FMO1: variants seen among roughly 807,000 people sequenced by gnomAD.
The protein encoded by FMO1 is flavin containing dimethylaniline monoxygenase 1, also known as flavin-containing monooxygenase 1.
Under a neutral mutation model 45.4 loss-of-function variants are expected in FMO1, and 36 were observed. The observed-to-expected ratio is 0.79, with a 90% CI of 0.61 to 1.05. The LOEUF (loss-of-function observed/expected upper bound fraction) is 1.05, where lower values mean the gene tolerates loss of function less well. Among genes scored for constraint, FMO1 ranks in the 50% least tolerant of loss-of-function variants. FMO1 has a pLI of 0.00. For missense variants in FMO1, 615 were observed against 640.3 expected, an observed-to-expected ratio of 0.96 and a Z score of 0.43; for synonymous variants, 228 against 227.2, an observed-to-expected ratio of 1.00 and a Z score of -0.03.
chr1:171,249,866 A>G (rs1222337721), intron 1 of FMO1, among the ~76,000 whole-genome samples: 2 of 152,156 alleles, frequency 1.3e-5, no homozygotes, highest in African/African-American at 4.8e-5. Flanking sequence ...AATTGATACA[A>G]TGCTAGCCTC....
intron 8 of FMO1, among the ~76,000 whole-genome samples, chr1:171,284,496 G>T (rs1029466911): frequency 6.6e-6 from 1 of 152,082 alleles, no homozygotes; most frequent in Non-Finnish European, 1.5e-5. Context: ...CCAGCACTTT[G>T]GGAGGCTAAG....
chr1:171,281,477 C>A (rs1044538945), intron 6 of FMO1, among the ~76,000 whole-genome samples: 4 of 152,212 alleles, frequency 2.6e-5, no homozygotes, highest in Non-Finnish European at 4.4e-5. Flanking sequence ...CAAAAAATGG[C>A]TCAGCTTATA....
intron 3 of FMO1, 136 bp downstream of exon 3, chr1:171,267,867 C>T: frequency 1.7e-6 from 1 of 601,702 alleles, no homozygotes; most frequent in Non-Finnish European, 2.8e-6. Flanking sequence ...TATTTATTTT[C>T]TCCCTATACT....
At chr1:171,282,383 C>T (rs1454640328) in intron 7 of FMO1, 50 bp downstream of exon 7, 1 of 1,186,108 alleles carries the variant, frequency 8.4e-7, no homozygotes. Context: ...CCATGTGATT[C>T]TGGATACTGG....
At chr1:171,274,050 G>A (rs1660990687) in intron 3 of FMO1, among the ~76,000 whole-genome samples, 1 of 151,580 alleles carries the variant, frequency 6.6e-6, no homozygotes, top group African/African-American at 2.4e-5. Context: ...TCAGAAGGCT[G>A]AGGCAGGAGA....
chr1:171,282,033 G>T lies in FMO1; in HGVS notation c.883G>T (p.Gly295Trp). 1 of 1,613,458 alleles carries T rather than the reference G, an allele frequency of 6.2e-7. No homozygotes were observed. The highest frequency in any genetic ancestry group is 8.5e-7 in the Non-Finnish European group (1 of 1,179,840). ...NDELPGRIITGKVFIRPSIKE... is the reference protein window; with the variant it reads ...NDELPGRIITWKVFIRPSIKE... ...TGAGCTCCCAGGACGCATCATCACT[G>T]GGAAAGTGTTCATCAGGCCAAGCAT... The change falls in exon 7 of 9, where the codon GGG (glycine) becomes TGG (tryptophan). Residue 295 changes from glycine to tryptophan, a missense_variant. Coordinates refer to ENST00000617670, the MANE Select transcript of FMO1 (RefSeq NM_001282693.2).
rs948096869 is a variant in FMO1, at chr1:171,280,955, A to T, written c.797A>T (p.His266Leu). 7 of 1,613,880 alleles carry T rather than the reference A, an allele frequency of 4.3e-6. No homozygotes were observed. The highest frequency in any genetic ancestry group is 5.1e-6 in the Non-Finnish European group (6 of 1,179,804). Residue 266 changes from histidine (H) to leucine (L), a missense_variant, in exon 6 of 9, where the codon CAT (histidine) becomes CTT (leucine). Physicochemically the swap from His to Leu is moderately conservative, Grantham distance 99. Transcript: ENST00000617670. Reference protein sequence around the residue: ...MERKINNWLNHANYGLIPEDR... With the variant: ...MERKINNWLNLANYGLIPEDR... ...CGAAAGATAAACAACTGGCTCAATC[A>T]TGCAAATTACGGCTTAATACCAGAA...
intron 1 of FMO1, among the ~76,000 whole-genome samples, chr1:171,250,906 C>T (rs911040975): frequency 5.3e-5 from 8 of 152,002 alleles, no homozygotes; most frequent in African/African-American, 1.9e-4. Flanking sequence ...AATATCTATG[C>T]TGGGGTTCAA....
At chr1:171,277,797 G>A (rs372825617) in intron 4 of FMO1, among the ~76,000 whole-genome samples, 23 of 152,172 alleles carry the variant, frequency 1.5e-4, no homozygotes, top group Admixed American at 7.2e-4. Flanking sequence ...ACTTGGATTC[G>A]TGTTAGATTT....
At position 171,285,561 on chromosome 1, in the gene FMO1, A is replaced by G. The variant is rs1211803018; in HGVS notation, c.*17A>G. On this transcript the variant is annotated 3_prime_UTR_variant, in exon 9 of 9. Transcript: ENST00000617670. Reference sequence around the variant, plus strand: ...TTCCTATAAGTAAAAGATCTCCTAAATGGAAGATGCACAGAGTAGATTTAC... The same window carrying G: ...TTCCTATAAGTAAAAGATCTCCTAAGTGGAAGATGCACAGAGTAGATTTAC... The G allele has an allele frequency of 1.7e-5, 23 of 1,379,468 alleles. No individual in the cohort carries two copies. The highest frequency in any genetic ancestry group is 2.3e-5 in the Non-Finnish European group (23 of 1,012,034). 85.5% of individuals were successfully genotyped at this position (1,379,468 alleles called of 1,614,324 possible). A position where few individuals can be genotyped will look rare whatever the true frequency, so the allele number is the denominator to read the frequency against.
intron 1 of FMO1, chr1:171,257,691 T>C (rs906224116): frequency 4.4e-5 from 11 of 251,766 alleles, no homozygotes; most frequent in Middle Eastern, 1.5e-3. Flanking sequence ...GATAAAGAGA[T>C]TGTGTCTGAC....
At chr1:171,282,507 T>G in intron 7 of FMO1, 174 bp downstream of exon 7, 2 of 534,892 alleles carry the variant, frequency 3.7e-6, no homozygotes, top group East Asian at 5.7e-5. Context: ...GTTCCATTAC[T>G]GCATAAATGG....
intron 7 of FMO1, 103 bp downstream of exon 7, chr1:171,282,436 C>A: frequency 1.3e-6 from 1 of 747,188 alleles, no homozygotes; most frequent in Non-Finnish European, 2.2e-6. Context: ...TTTAAAATAA[C>A]AGAATCTTTA....
intron 4 of FMO1, among the ~76,000 whole-genome samples, chr1:171,277,508 T>C (rs1340799298): frequency 6.6e-6 from 1 of 152,194 alleles, no homozygotes; most frequent in Non-Finnish European, 1.5e-5. Flanking sequence ...TATAAGTTCT[T>C]ACTCTGTCTT....
chr1:171,264,835 C>T (rs1308672962), intron 2 of FMO1, among the ~76,000 whole-genome samples: 1 of 151,814 alleles, frequency 6.6e-6, no homozygotes, highest in Non-Finnish European at 1.5e-5. Flanking sequence ...GGAGGCGGAG[C>T]TTGCAGTGAG....
At position 171,285,936 on chromosome 1, in the gene FMO1, T is replaced by C. The variant is rs950897567; in HGVS notation, c.*392T>C. On this transcript the variant is annotated 3_prime_UTR_variant, in exon 9 of 9. Transcript: ENST00000617670. Reference sequence around the variant, plus strand: ...ATGGTGCTCTTATAGTACTGGCTTATTAAAAGTAAAAAATAAACCTAAAAA... The same window carrying C: ...ATGGTGCTCTTATAGTACTGGCTTACTAAAAGTAAAAAATAAACCTAAAAA... The C allele has an allele frequency of 6.3e-6, 1 of 157,966 alleles. No individual in the cohort carries two copies. The highest frequency in any genetic ancestry group is 1.4e-5 in the Non-Finnish European group (1 of 72,152). The allele number at this position is 157,966 out of a possible 1,614,324, so 9.8% of individuals were successfully genotyped here. A position where few individuals can be genotyped will look rare whatever the true frequency, so the allele number is the denominator to read the frequency against.
intron 2 of FMO1, among the ~76,000 whole-genome samples, chr1:171,265,323 A>G (rs1052753952): frequency 5.3e-5 from 8 of 151,498 alleles, no homozygotes; most frequent in Non-Finnish European, 1.2e-4. Context: ...CCCGGGAGGC[A>G]GAGCTTGCAG....
Position 171,278,627 on chromosome 1 carries a change from C to T in FMO1, c.485-102C>T, listed in dbSNP as rs529215140. The T allele has an allele frequency of 1.6e-5, 15 of 913,740 alleles. No individual in the cohort carries two copies. The South Asian group carries it at 3.3e-4, about 20-fold the overall frequency. 56.6% of individuals were successfully genotyped at this position (913,740 alleles called of 1,614,324 possible). A position where few individuals can be genotyped will look rare whatever the true frequency, so the allele number is the denominator to read the frequency against. ...AACTTGAGAATACTAGTAAAAATGA[C>T]CAAAATCATCTGTCAAAAGAATGTT... On this transcript the variant is annotated intron_variant, in intron 4 of 8. Coordinates refer to ENST00000617670, the MANE Select transcript of FMO1 (RefSeq NM_001282693.2).
chr1:171,274,410 G>A (rs184403965), intron 3 of FMO1, among the ~76,000 whole-genome samples: 1 of 151,828 alleles, frequency 6.6e-6, no homozygotes, highest in Admixed American at 6.5e-5. Context: ...ACAGGCATGG[G>A]CCACCACACC....
Sources: allele counts gnomAD v4.1 joint callset (sites outside exome capture counted in the v4.1 genomes callset), GRCh38; gene constraint gnomAD v4.1.1; transcripts MANE v1.5; gene names NCBI Gene and HGNC (gene_info 2026-07-23, HGNC 2026-07-21).